Variants in WDR64 observed in about 807,000 individuals in gnomAD.
The protein encoded by WDR64 is WD repeat domain 64, also known as WD repeat-containing protein 64.
Under a neutral mutation model 139.3 loss-of-function variants are expected in WDR64, and 112 were observed. The ratio of observed to expected loss-of-function variants is 0.80; its 90% CI spans 0.69 to 0.94. The LOEUF is 0.94. Ranked by LOEUF, WDR64 falls within the 40% of genes least tolerant of loss-of-function variation. WDR64 has a pLI of 0.00. For synonymous variants in WDR64, 444 were observed against 437.7 expected (o/e 1.01, Z -0.18); for missense variants, 1,206 against 1,293.1 (o/e 0.93, Z 1.03).
intron 27 of WDR64, among the ~76,000 whole-genome samples, chr1:241,798,295 A>C (rs1049261089): frequency 6.6e-6 from 1 of 152,192 alleles, no homozygotes; most frequent in African/African-American, 2.4e-5. Context: ...AATTTGCTTA[A>C]ATTGAAAAAT....
intron 14 of WDR64, among the ~76,000 whole-genome samples, chr1:241,752,245 A>C (rs192791067): frequency 1.5e-4 from 23 of 152,376 alleles, no homozygotes; most frequent in Admixed American, 2.0e-4. Flanking sequence ...ATAACATAAA[A>C]GATTTCACCA....
chr1:241,749,503 C>G, intron 13 of WDR64, 44 bp from the exon 14 acceptor site: 2 of 1,581,980 alleles, frequency 1.3e-6, no homozygotes, highest in East Asian at 2.3e-5. Context: ...CAAGCTTTCT[C>G]TAAGTCATTT....
At chr1:241,766,729 G>A (rs1658195562) in intron 16 of WDR64, among the ~76,000 whole-genome samples, 2 of 150,932 alleles carry the variant, frequency 1.3e-5, no homozygotes, top group Admixed American at 6.6e-5. Flanking sequence ...AACCTCAGGG[G>A]ACAAAAAAGC....
chr1:241,714,153 G>T (rs1257890157), intron 9 of WDR64, among the ~76,000 whole-genome samples: 2 of 152,200 alleles, frequency 1.3e-5, no homozygotes, highest in African/African-American at 4.8e-5. Context: ...TCCTCAAGGA[G>T]GCCAGGGTGG....
chr1:241,674,166 T>C (rs1371596399), intron 3 of WDR64, among the ~76,000 whole-genome samples: 7 of 151,976 alleles, frequency 4.6e-5, no homozygotes, highest in Admixed American at 2.0e-4. Flanking sequence ...TAAAACACAA[T>C]GGTTGCCGGG....
chr1:241,705,666 C>A (rs1427193503), intron 8 of WDR64, among the ~76,000 whole-genome samples: 2 of 151,966 alleles, frequency 1.3e-5, no homozygotes, highest in Non-Finnish European at 2.9e-5. Context: ...TAGCTCATTG[C>A]ACCTTCGAGT....
chr1:241,742,642 T>C (rs1157645383), intron 12 of WDR64, among the ~76,000 whole-genome samples: 1 of 152,206 alleles, frequency 6.6e-6, no homozygotes, highest in Non-Finnish European at 1.5e-5. Flanking sequence ...ACCATAAAAA[T>C]GGGCAACCAG....
intron 14 of WDR64, among the ~76,000 whole-genome samples, chr1:241,750,048 C>A (rs1013366159): frequency 6.6e-6 from 1 of 152,204 alleles, no homozygotes; most frequent in Non-Finnish European, 1.5e-5. Context: ...GGGAATAATT[C>A]ACTGGCAGAA....
chr1:241,694,326 A>T (rs1322701787), intron 8 of WDR64, among the ~76,000 whole-genome samples: 1 of 152,176 alleles, frequency 6.6e-6, no homozygotes, highest in Admixed American at 6.5e-5. Context: ...TTTAGAAAGG[A>T]CGAAATGTTT....
intron 3 of WDR64, among the ~76,000 whole-genome samples, chr1:241,673,193 G>T (rs1229918419): frequency 7.0e-6 from 1 of 143,046 alleles, no homozygotes; most frequent in East Asian, 2.3e-4. Context: ...GTTGTGGGGT[G>T]GGGGGAGGGA....
At chr1:241,768,404 C>G (rs1240711039) in intron 16 of WDR64, among the ~76,000 whole-genome samples, 2 of 152,202 alleles carry the variant, frequency 1.3e-5, no homozygotes, top group African/African-American at 2.4e-5. Flanking sequence ...TCTTTGTCTA[C>G]CACAAACTTC....
intron 8 of WDR64, among the ~76,000 whole-genome samples, chr1:241,705,109 A>G (rs1198859262): frequency 1.3e-5 from 2 of 152,248 alleles, no homozygotes; most frequent in African/African-American, 2.4e-5. Context: ...TAAAGTGGGG[A>G]AACGCATCTA....
chr1:241,708,311 C>A (rs1197097671), intron 8 of WDR64, among the ~76,000 whole-genome samples: 1 of 152,076 alleles, frequency 6.6e-6, no homozygotes. Flanking sequence ...CAGTGGTGTG[C>A]ATGAAAAATA....
chr1:241,760,418 C>T (rs1435395393), intron 15 of WDR64, among the ~76,000 whole-genome samples: 1 of 151,148 alleles, frequency 6.6e-6, no homozygotes, highest in Non-Finnish European at 1.5e-5. Flanking sequence ...CTCATCTACA[C>T]CCAGCTTCCC....
chr1:241,780,255 G>C (rs772579974), intron 22 of WDR64, among the ~76,000 whole-genome samples, 193 bp downstream of exon 22: 4 of 152,198 alleles, frequency 2.6e-5, no homozygotes, highest in Non-Finnish European at 5.9e-5. Flanking sequence ...AAGTGAGGGA[G>C]AGGGAGTAAG....
intron 15 of WDR64, among the ~76,000 whole-genome samples, chr1:241,762,305 CT>C (rs60911392): frequency 0.15 from 22,876 of 150,114 alleles, 1,922 homozygotes; most frequent in African/African-American, 0.19. Context: ...TGAAAGGAAT[CT>C]TTTTTTTTTC....
chr1:241,687,746 C>T (rs1667064505), intron 8 of WDR64, 151 bp downstream of exon 8: 2 of 857,368 alleles, frequency 2.3e-6, no homozygotes, highest in Non-Finnish European at 3.5e-6. Flanking sequence ...TTAGATTTCT[C>T]AGGAAGAAAT....
chr1:241,660,638 A>G lies in WDR64; in HGVS notation c.254A>G (p.Asp85Gly), dbSNP rs1426765676. Residue 85 changes from aspartate (D) to glycine (G), a missense_variant, in exon 2 of 28, where the codon GAT (aspartate) becomes GGT (glycine). Transcript: ENST00000437684. ...RFYRKLCNNT[D>G]ASADWCEIFG... Reference sequence around the variant, plus strand: ...TACAGGAAACTGTGCAACAACACGGATGCATCTGCAGACTGGTGTGAGGTA... The same window carrying G: ...TACAGGAAACTGTGCAACAACACGGGTGCATCTGCAGACTGGTGTGAGGTA... The G allele has an allele frequency of 1.3e-6, 2 of 1,551,438 alleles. No individual in the cohort carries two copies. The highest frequency in any genetic ancestry group is 2.0e-5 in the Admixed American group (1 of 50,988).
intron 1 of WDR64, 34 bp downstream of exon 1, chr1:241,652,663 G>T (rs1242549338): frequency 1.3e-6 from 2 of 1,547,228 alleles, no homozygotes; most frequent in Non-Finnish European, 1.7e-6. Context: ...GTCCAATTGG[G>T]TCTGTTGGTT....
Sources: gnomAD v4.1 joint callset for allele counts (sites outside exome capture counted in the v4.1 genomes callset) on GRCh38, gnomAD v4.1.1 for gene constraint, MANE v1.5 for transcripts, NCBI Gene and HGNC (gene_info 2026-07-23, HGNC 2026-07-21) for gene names.